CFAP299: variants seen among roughly 807,000 people sequenced by gnomAD.
CFAP299 encodes cilia and flagella associated protein 299, also known as cilia- and flagella-associated protein 299.
In CFAP299, 21 loss-of-function variants were observed where a neutral mutation model predicts 27.0. The ratio of observed to expected loss-of-function variants is 0.78; its 90% CI spans 0.55 to 1.12. The LOEUF is 1.12. CFAP299 is among the 50% of genes most tolerant of loss of function. The probability of loss-of-function intolerance (pLI) is 0.00; values close to 1 mark genes in which losing one functional copy is unlikely to be tolerated. For missense variants in CFAP299, 310 were observed against 276.6 expected, an observed-to-expected ratio of 1.12 and a Z score of -0.86; for synonymous variants, 104 against 98.1, an observed-to-expected ratio of 1.06 and a Z score of -0.36.
intron 3 of CFAP299, among the ~76,000 whole-genome samples, chr4:80,648,059 C>CA (rs1740114330): frequency 6.6e-6 from 1 of 151,244 alleles, no homozygotes; most frequent in Admixed American, 6.6e-5. Context: ...ACTCTGTCTC[C>CA]AAAAAAAGGA....
At chr4:80,782,356 C>T (rs1012788610) in intron 3 of CFAP299, among the ~76,000 whole-genome samples, 3 of 151,804 alleles carry the variant, frequency 2.0e-5, no homozygotes, top group South Asian at 4.1e-4. Flanking sequence ...GTTTGTGAAA[C>T]AAGCCCTATC....
chr4:80,431,465 CCTCA>C (rs1391443875), intron 2 of CFAP299, among the ~76,000 whole-genome samples: 2 of 150,850 alleles, frequency 1.3e-5, no homozygotes, highest in African/African-American at 4.9e-5. Context: ...TTTTTGCCTC[CCTCA>C]CTCCTTCCCT....
chr4:80,499,385 AATACAGT>A (rs1185069770), intron 2 of CFAP299, among the ~76,000 whole-genome samples: 19 of 152,170 alleles, frequency 1.2e-4, no homozygotes, highest in Non-Finnish European at 2.2e-4. Flanking sequence ...ACTTTATTCT[AATACAGT>A]ATAATATGCT....
intron 3 of CFAP299, among the ~76,000 whole-genome samples, chr4:80,644,827 T>C (rs565376472): frequency 2.2e-4 from 34 of 152,256 alleles, no homozygotes; most frequent in Non-Finnish European, 3.4e-4. Flanking sequence ...TAGGCTTCAA[T>C]GTGAAATGAA....
intron 3 of CFAP299, among the ~76,000 whole-genome samples, chr4:80,626,771 A>G (rs1300895669): frequency 6.6e-6 from 1 of 151,762 alleles, no homozygotes; most frequent in Non-Finnish European, 1.5e-5. Context: ...AGAAACAGAT[A>G]AATTATTTGA....
upstream of CFAP299, among the ~76,000 whole-genome samples, chr4:80,334,727 A>C (rs1722056480): frequency 6.6e-6 from 1 of 152,238 alleles, no homozygotes; most frequent in African/African-American, 2.4e-5. Context: ...GTAGCATCCT[A>C]AATATTGTGT....
intron 2 of CFAP299, among the ~76,000 whole-genome samples, chr4:80,403,320 C>T (rs79639967): frequency 1.4e-3 from 220 of 152,176 alleles, no homozygotes; most frequent in Admixed American, 2.5e-3. Flanking sequence ...TTGCTCTTTG[C>T]GATAAGCAAA....
chr4:80,958,507 G>A (rs1315740246), intron 5 of CFAP299, among the ~76,000 whole-genome samples: 2 of 152,048 alleles, frequency 1.3e-5, no homozygotes, highest in Admixed American at 6.6e-5. Flanking sequence ...ATTTTCAAAT[G>A]TTTCCTTCCA....
chr4:80,712,247 TCTG>T (rs1320436870), intron 3 of CFAP299, among the ~76,000 whole-genome samples: 1 of 152,224 alleles, frequency 6.6e-6, no homozygotes, highest in African/African-American at 2.4e-5. Flanking sequence ...CTTCTCAGCA[TCTG>T]CTCCTTAAAT....
Position 80,757,657 on chromosome 4 carries a change from C to T in CFAP299, c.334-112336C>T, listed in dbSNP as rs74579447. ...TAGCAAGTTAATGTTGACATTATTT[C>T]GTTGTGAAACATTACTCTTTTTCAC... On this transcript the variant is annotated intron_variant, in intron 3 of 5. Coordinates refer to ENST00000358105, the MANE Select transcript of CFAP299 (RefSeq NM_152770.3). Among the ~76,000 whole-genome samples the T allele has an allele frequency of 1.2e-3, 185 of 152,020 alleles. 2 individuals are homozygous for T. In the East Asian group the frequency reaches 0.032, roughly 27 times the overall value.
At chr4:80,813,219 A>G (rs937726100) in intron 3 of CFAP299, among the ~76,000 whole-genome samples, 1 of 152,058 alleles carries the variant, frequency 6.6e-6, no homozygotes, top group African/African-American at 2.4e-5. Context: ...TGCACAGAGA[A>G]AATAGTTTAT....
intron 3 of CFAP299, among the ~76,000 whole-genome samples, chr4:80,800,765 G>GTATATATATA (rs1560419820): frequency 1.6e-5 from 2 of 127,396 alleles, no homozygotes; most frequent in African/African-American, 6.6e-5. Context: ...GTGTGTGTGT[G>GTATATATATA]TGTATATATA....
chr4:80,664,736 A>T (rs929383009), intron 3 of CFAP299, among the ~76,000 whole-genome samples: 1 of 152,004 alleles, frequency 6.6e-6, no homozygotes, highest in South Asian at 2.1e-4. Flanking sequence ...AGGGGAGTGA[A>T]TGGTTCTGCC....
intron 3 of CFAP299, among the ~76,000 whole-genome samples, chr4:80,738,912 T>A (rs1724083348): frequency 6.6e-6 from 1 of 152,002 alleles, no homozygotes; most frequent in African/African-American, 2.4e-5. Context: ...GTGTATCCAT[T>A]GTATATTTTT....
chr4:80,939,976 G>T lies in CFAP299; in HGVS notation c.477-4834G>T, dbSNP rs571041035. 1.4e-4 allele frequency among the ~76,000 whole-genome samples: 22 copies of T among 152,296 alleles called. No homozygotes were observed. The South Asian group carries it at 4.2e-3, about 29-fold the overall frequency. ...ATTTTTCACATGGCAATGCCCTGAAGTATTTAATCTTGTATACCTTTTCCC... is the reference window on the plus strand; with the variant it reads ...ATTTTTCACATGGCAATGCCCTGAATTATTTAATCTTGTATACCTTTTCCC... On this transcript the variant is annotated intron_variant, in intron 4 of 5. Transcript: ENST00000358105.
At chr4:80,671,727 A>T (rs1222795554) in intron 3 of CFAP299, among the ~76,000 whole-genome samples, 1 of 152,096 alleles carries the variant, frequency 6.6e-6, no homozygotes, top group Non-Finnish European at 1.5e-5. Flanking sequence ...TGTAAGTTGG[A>T]TTCCTAGGTA....
At chr4:80,681,411 A>G (rs11733728) in intron 3 of CFAP299, among the ~76,000 whole-genome samples, 134,516 of 151,798 alleles carry the variant, frequency 0.89, 60,115 homozygotes, top group East Asian at 1. Context: ...AAATCACTAG[A>G]AGTTAGTGCC....
At chr4:80,492,749 G>A (rs1731202775) in intron 2 of CFAP299, among the ~76,000 whole-genome samples, 1 of 152,174 alleles carries the variant, frequency 6.6e-6, no homozygotes, top group Non-Finnish European at 1.5e-5. Flanking sequence ...TTCCTAGGAG[G>A]AAGGGTTTTC....
At chr4:80,913,138 A>G (rs1350880274) in intron 4 of CFAP299, among the ~76,000 whole-genome samples, 2 of 152,240 alleles carry the variant, frequency 1.3e-5, no homozygotes, top group Admixed American at 6.5e-5. Context: ...ACTGTCAGAA[A>G]GAAGGAACTG....
Sources: allele counts gnomAD v4.1 joint callset (sites outside exome capture counted in the v4.1 genomes callset), GRCh38; gene constraint gnomAD v4.1.1; transcripts MANE v1.5; gene names NCBI Gene and HGNC (gene_info 2026-07-23, HGNC 2026-07-21).